The following APBB2 variants were observed in gnomAD, a reference collection of about 807,000 sequenced individuals.
APBB2 encodes the protein Fe65-like 1.
Under a neutral mutation model 82.5 loss-of-function variants are expected in APBB2, and 38 were observed. The ratio of observed to expected loss-of-function variants is 0.46; its 90% CI spans 0.36 to 0.60. The LOEUF is 0.60. Ranked by LOEUF, APBB2 falls within the 20% of genes least tolerant of loss-of-function variation. APBB2 has a pLI of 0.00. For synonymous variants in APBB2, 341 were observed against 368.2 expected (o/e 0.93, Z 0.85); for missense variants, 772 against 972.3 (o/e 0.79, Z 2.74).
At chr4:41,110,849 T>C (rs1230698386) in intron 2 of APBB2, among the ~76,000 whole-genome samples, 1 of 151,622 alleles carries the variant, frequency 6.6e-6, no homozygotes. Context: ...TGAGGGGAGG[T>C]TGGAGGGGTT....
chr4:40,838,329 ATT>A (rs780767835), intron 12 of APBB2, among the ~76,000 whole-genome samples: 1 of 72,272 alleles, frequency 1.4e-5, no homozygotes, highest in Non-Finnish European at 2.5e-5. Context: ...CACATGGCTA[ATT>A]TTTTTTTTTT....
chr4:40,979,135 A>G (rs574392376), intron 6 of APBB2, among the ~76,000 whole-genome samples: 1 of 152,206 alleles, frequency 6.6e-6, no homozygotes. Context: ...AGAATCTGGA[A>G]GGAAGGCTAT....
At chr4:41,197,616 ACCTGC>A in intron 1 of APBB2, among the ~76,000 whole-genome samples, 1 of 152,186 alleles carries the variant, frequency 6.6e-6, no homozygotes, top group Non-Finnish European at 1.5e-5. Context: ...TGTCTGCTGT[ACCTGC>A]CAACGTCTTT....
chr4:41,000,171 G>C (rs1255407452), intron 6 of APBB2, among the ~76,000 whole-genome samples: 1 of 151,160 alleles, frequency 6.6e-6, no homozygotes, highest in Admixed American at 6.6e-5. Context: ...TGAGGTAGGG[G>C]GATCACCTGA....
chr4:41,204,949 A>C (rs1777577417), intron 1 of APBB2, among the ~76,000 whole-genome samples: 1 of 152,238 alleles, frequency 6.6e-6, no homozygotes, highest in South Asian at 2.1e-4. Flanking sequence ...CTGTTGAGTG[A>C]TGTCCACAAA....
intron 12 of APBB2, chr4:40,856,994 A>C (rs1761425224): frequency 2.0e-6 from 2 of 985,504 alleles, no homozygotes; most frequent in Non-Finnish European, 2.4e-6. Flanking sequence ...CCTGCAAACA[A>C]AGGAGAGCCG....
intron 3 of APBB2, among the ~76,000 whole-genome samples, chr4:41,085,122 G>A (rs56273648): frequency 1.2e-4 from 19 of 152,002 alleles, no homozygotes; most frequent in African/African-American, 3.6e-4. Context: ...GTGGTGATGC[G>A]CGCCTGTAGT....
At chr4:40,875,632 A>T (rs1766688235) in intron 12 of APBB2, among the ~76,000 whole-genome samples, 2 of 152,220 alleles carry the variant, frequency 1.3e-5, no homozygotes, top group South Asian at 4.1e-4. Context: ...ATTTCAATTC[A>T]GACCAGCTAC....
rs1799196328 is a variant in APBB2 at position 40,982,394 on chromosome 4, AGG to A, written c.835+31187_835+31188del. Among the ~76,000 whole-genome samples the A allele has an allele frequency of 5.0e-5, 3 of 59,938 alleles. No individual in the cohort carries two copies. The Admixed American group carries it at 5.7e-4, about 11-fold the overall frequency. The allele number at this position is 59,938 out of a possible 152,430, so 39.3% of individuals were successfully genotyped here. On this transcript the variant is annotated intron_variant, in intron 6 of 17. Coordinates refer to ENST00000508593, the MANE Select transcript of APBB2 (RefSeq NM_004307.2). ...AGGAAGGAAGGAAGGAAGGAAGGAA[AGG>A]AAAGGAAAGAAAGAAAGAAAGAAAG...
chr4:41,108,346 G>A (rs146824217), intron 2 of APBB2, among the ~76,000 whole-genome samples: 6 of 152,032 alleles, frequency 3.9e-5, no homozygotes, highest in South Asian at 2.1e-4. Context: ...TTCAGTGTTA[G>A]AGCATTTAGT....
chr4:40,899,184 T>C (rs1430595548), intron 10 of APBB2, among the ~76,000 whole-genome samples: 1 of 152,230 alleles, frequency 6.6e-6, no homozygotes, highest in Non-Finnish European at 1.5e-5. Flanking sequence ...AAAAATAACT[T>C]GTCTCACAAC....
chr4:41,064,050 T>G (rs1365428825), intron 4 of APBB2, among the ~76,000 whole-genome samples: 2 of 129,090 alleles, frequency 1.5e-5, no homozygotes, highest in African/African-American at 6.0e-5. Context: ...GCGATCTCGG[T>G]TCACTGCAAG....
At chr4:41,047,022 T>C (rs1332085173) in intron 4 of APBB2, among the ~76,000 whole-genome samples, 1 of 152,228 alleles carries the variant, frequency 6.6e-6, no homozygotes, top group Non-Finnish European at 1.5e-5. Flanking sequence ...ACAGTTGAGA[T>C]AAAGAGGAAA....
chr4:41,161,846 A>AT (rs1169946462), intron 1 of APBB2, among the ~76,000 whole-genome samples: 1 of 151,938 alleles, frequency 6.6e-6, no homozygotes, highest in African/African-American at 2.4e-5. Flanking sequence ...CCTATCCCTT[A>AT]TTTTTTTTCC....
In APBB2 at chr4:40,902,289, CGTGAATCA is replaced by C. The variant is rs548093374; in HGVS notation, c.1255-8886_1255-8879del. Among the ~76,000 whole-genome samples the C allele has an allele frequency of 6.0e-4, 91 of 152,276 alleles. 1 individual carries two copies. The East Asian group carries it at 0.017, about 29-fold the overall frequency. On this transcript the variant is annotated intron_variant, in intron 10 of 17. Transcript: ENST00000508593. ...CATCAACACGTATTGTATGTGTGTA[CGTGAATCA>C]GGGCTAGCGAAAGCTTTCTAGTTAG...
chr4:41,079,219 C>G (rs1736673621), intron 3 of APBB2, among the ~76,000 whole-genome samples: 1 of 152,238 alleles, frequency 6.6e-6, no homozygotes, highest in South Asian at 2.1e-4. Flanking sequence ...GCTGTGCAGT[C>G]TCTTTTTAGT....
At chr4:40,887,546 GA>G (rs201264192) in intron 12 of APBB2, among the ~76,000 whole-genome samples, 2 of 150,532 alleles carry the variant, frequency 1.3e-5, no homozygotes, top group South Asian at 2.1e-4. Flanking sequence ...TGCTGTTAAG[GA>G]AAAAAAAAGG....
chr4:40,932,013 G>A lies in APBB2; in HGVS notation c.1254+2443C>T, dbSNP rs557779723. On this transcript the variant is annotated intron_variant, in intron 10 of 17. Coordinates refer to ENST00000508593, the MANE Select transcript of APBB2 (RefSeq NM_004307.2). ...TAGACATGCTGGCAATAAAAAGGTG[G>A]CAGATAAAGAATTCAGTAAGCAACA... Among the ~76,000 whole-genome samples, 12 of 152,266 alleles carry A rather than the reference G, an allele frequency of 7.9e-5. No individual in the cohort carries two copies. In the East Asian group the frequency reaches 2.3e-3, roughly 29 times the overall value.
intron 5 of APBB2, among the ~76,000 whole-genome samples, chr4:41,027,798 T>C (rs1166624411): frequency 1.3e-5 from 2 of 152,078 alleles, no homozygotes; most frequent in Non-Finnish European, 2.9e-5. Context: ...CCAGTAACAA[T>C]GAGGGTTAGT....
Sources: allele counts gnomAD v4.1 joint callset (sites outside exome capture counted in the v4.1 genomes callset), GRCh38; gene constraint gnomAD v4.1.1; transcripts MANE v1.5; gene names NCBI Gene and HGNC (gene_info 2026-07-23, HGNC 2026-07-21).